Variants in OSBP2 observed in about 807,000 individuals in gnomAD.
The protein encoded by OSBP2 is oxysterol-binding protein 2.
In OSBP2, 66 loss-of-function variants were observed where a neutral mutation model predicts 96.0. That is an observed-to-expected ratio of 0.69 (90% CI 0.56 to 0.84). The LOEUF (loss-of-function observed/expected upper bound fraction) is 0.84, where lower values mean the gene tolerates loss of function less well. Among genes scored for constraint, OSBP2 ranks in the 40% least tolerant of loss-of-function variants. The pLI is 0.00. For missense variants in OSBP2, 1,038 were observed against 1,222.7 expected, an observed-to-expected ratio of 0.85 and a Z score of 2.25; for synonymous variants, 525 against 520.9, an observed-to-expected ratio of 1.01 and a Z score of -0.11.
intron 2 of OSBP2, among the ~76,000 whole-genome samples, chr22:30,764,029 C>T (rs913706801): frequency 3.9e-5 from 6 of 152,320 alleles, no homozygotes; most frequent in East Asian, 1.9e-4. Context: ...CAAATCTCTC[C>T]GTACCTGTGA....
At chr22:30,761,332 T>A (rs943960900) in intron 2 of OSBP2, among the ~76,000 whole-genome samples, 12 of 152,148 alleles carry the variant, frequency 7.9e-5, no homozygotes, top group African/African-American at 2.9e-4. Flanking sequence ...TAACAAAAAA[T>A]TTTTAAAAAT....
chr22:30,724,732 C>T (rs990057357), intron 1 of OSBP2, among the ~76,000 whole-genome samples: 58 of 152,264 alleles, frequency 3.8e-4, no homozygotes, highest in African/African-American at 1.3e-3. Flanking sequence ...GGGGCAGGGA[C>T]GAGACAGTCC....
At chr22:30,806,471 T>G (rs537162914) in intron 2 of OSBP2, among the ~76,000 whole-genome samples, 1 of 152,236 alleles carries the variant, frequency 6.6e-6, no homozygotes, top group East Asian at 1.9e-4. Flanking sequence ...GCTTGTGATC[T>G]CAGCAGCTGG....
At chr22:30,720,661 T>C (rs2089534049) in intron 1 of OSBP2, among the ~76,000 whole-genome samples, 1 of 152,190 alleles carries the variant, frequency 6.6e-6, no homozygotes, top group African/African-American at 2.4e-5. Context: ...CCTGCTTGGC[T>C]ATTTGAAACA....
intron 3 of OSBP2, among the ~76,000 whole-genome samples, chr22:30,883,776 T>C (rs992376758): frequency 1.6e-5 from 1 of 63,378 alleles, no homozygotes; most frequent in Admixed American, 1.5e-4. Flanking sequence ...CCCAGAGGGA[T>C]ACCGTCCCCC....
chr22:30,708,404 A>G (rs1048723593), intron 1 of OSBP2, among the ~76,000 whole-genome samples: 1 of 151,704 alleles, frequency 6.6e-6, no homozygotes, highest in Non-Finnish European at 1.5e-5. Flanking sequence ...GTCCTTCTCA[A>G]ATCATTTTAA....
At chr22:30,893,035 C>T in intron 8 of OSBP2, 87 bp from the exon 9 acceptor site, 2 of 1,528,348 alleles carry the variant, frequency 1.3e-6, no homozygotes, top group Non-Finnish European at 1.8e-6. Context: ...CCTGCTGAGG[C>T]AGGGCAAGCT....
At chr22:30,716,194 A>C (rs2089453251) in intron 1 of OSBP2, among the ~76,000 whole-genome samples, 1 of 150,980 alleles carries the variant, frequency 6.6e-6, no homozygotes, top group Non-Finnish European at 1.5e-5. Flanking sequence ...GGTGCCTGCC[A>C]CCACACCCAG....
chr22:30,894,063 G>A, intron 12 of OSBP2, 62 bp downstream of exon 12: 1 of 1,452,474 alleles, frequency 6.9e-7, no homozygotes, highest in Non-Finnish European at 9.3e-7. Context: ...ACAGTGGACA[G>A]AAAGCAACTG....
chr22:30,699,552 T>C (rs1332642159), intron 1 of OSBP2, among the ~76,000 whole-genome samples: 1 of 152,228 alleles, frequency 6.6e-6, no homozygotes, highest in Non-Finnish European at 1.5e-5. Context: ...TGGATCCTTA[T>C]CCTTTGCAAG....
chr22:30,874,153 C>T (rs1165326299), intron 3 of OSBP2, among the ~76,000 whole-genome samples: 1 of 152,230 alleles, frequency 6.6e-6, no homozygotes, highest in Non-Finnish European at 1.5e-5. Flanking sequence ...AGGAGAATCA[C>T]TTGAACCCAG....
At chr22:30,866,014 C>T (rs779064571) in intron 2 of OSBP2, among the ~76,000 whole-genome samples, 6 of 152,146 alleles carry the variant, frequency 3.9e-5, no homozygotes, top group Non-Finnish European at 5.9e-5. Flanking sequence ...GGACGAGTCC[C>T]GGGCAGTAAA....
intron 2 of OSBP2, among the ~76,000 whole-genome samples, chr22:30,767,376 C>T (rs1255881818): frequency 6.6e-6 from 1 of 152,030 alleles, no homozygotes; most frequent in African/African-American, 2.4e-5. Context: ...CAGGAATCGT[C>T]ACATACCTGT....
rs1354887974 is a variant in OSBP2 at position 30,881,781 on chromosome 22, G to A, written c.1108-5645G>A. 5 of 1,304,224 alleles carry A rather than the reference G, an allele frequency of 3.8e-6. No individual in the cohort carries two copies. In the East Asian group the frequency reaches 2.2e-4, roughly 58 times the overall value. The allele number at this position is 1,304,224 out of a possible 1,614,324, so 80.8% of individuals were successfully genotyped here. On this transcript the variant is annotated intron_variant, in intron 3 of 13. Transcript: ENST00000332585. This position sits in a 1 kb window ranked among gnomAD's most constrained non-coding sequence, Gnocchi z 4.5. ...GGCCGGCAGCAGCAGAGGAGACCCT[G>A]GGAGTCAGGGATGGACACCAGGTGG...
Position 30,905,878 on chromosome 22 carries a change from T to A in OSBP2, c.2417T>A (p.Leu806Gln). 6.2e-7 allele frequency: 1 copy of A among 1,613,428 alleles called. No homozygotes were observed. Among genetic ancestry groups the A allele is most frequent in the Non-Finnish European group, 8.5e-7 (1 of 1,179,712 alleles). ...ENMYYFSELA[L>Q]TLNEHEEGVA... is the part of the protein sequence containing the mutation. ...ATGTACTACTTCTCAGAGCTGGCCC[T>A]GACCCTCAACGAGCACGAGGAGGGC... The change falls in exon 13 of 14, where the codon CTG becomes CAG. Residue 806 changes from leucine (L) to glutamine (Q), a missense_variant. Leu to Gln is a moderately radical substitution (Grantham distance 113). Coordinates refer to ENST00000332585, the MANE Select transcript of OSBP2 (RefSeq NM_030758.4).
At chr22:30,880,393 C>G (rs1405144833) in intron 3 of OSBP2, among the ~76,000 whole-genome samples, 1 of 152,220 alleles carries the variant, frequency 6.6e-6, no homozygotes, top group East Asian at 1.9e-4. Flanking sequence ...GGCCCTTTCT[C>G]CCATTATCCC....
chr22:30,752,400 G>A (rs1004952599), intron 2 of OSBP2, among the ~76,000 whole-genome samples: 12 of 135,002 alleles, frequency 8.9e-5, no homozygotes, highest in Admixed American at 1.7e-4. Context: ...CTGGGTTCAC[G>A]CCATTCTTCT....
chr22:30,869,696 C>G (rs779734066), intron 2 of OSBP2, among the ~76,000 whole-genome samples: 1 of 152,126 alleles, frequency 6.6e-6, no homozygotes, highest in Non-Finnish European at 1.5e-5. Flanking sequence ...CCACTATGCC[C>G]GGCTAATTTT....
rs202038852 is a variant in OSBP2, at chr22:30,695,289, T to C, written c.380T>C (p.Leu127Pro). Residue 127 changes from leucine (L) to proline (P), a missense_variant, in exon 1 of 14, where the codon CTC becomes CCC. Physicochemically the swap from Leu to Pro is moderately conservative, Grantham distance 98. Coordinates refer to ENST00000332585, the MANE Select transcript of OSBP2 (RefSeq NM_030758.4). ...GPFTKAASEP[L>P]SRAVGSATFL... The stretch of plus-strand genomic sequence containing the variant: ...TTCACTAAGGCCGCATCGGAGCCGC[T>C]CTCCCGGGCGGTGGGGAGCGCGACC... 102 of 1,613,240 alleles carry C rather than the reference T, an allele frequency of 6.3e-5. No individual in the cohort carries two copies. The highest frequency in any genetic ancestry group is 8.3e-5 in the Non-Finnish European group (98 of 1,180,006).
Sources: allele counts gnomAD v4.1 joint callset (sites outside exome capture counted in the v4.1 genomes callset), GRCh38; gene constraint gnomAD v4.1.1; non-coding constraint Gnocchi (gnomAD v3.1); transcripts MANE v1.5; gene names NCBI Gene and HGNC (gene_info 2026-07-23, HGNC 2026-07-21).